Variants in GPC1 observed in about 807,000 individuals in gnomAD.
GPC1 encodes the protein glypican-1.
In GPC1, 26 loss-of-function variants were observed where a neutral mutation model predicts 51.5. The ratio of observed to expected loss-of-function variants is 0.50; its 90% CI spans 0.37 to 0.70. GPC1 has a LOEUF of 0.70. Among genes scored for constraint, GPC1 ranks in the 30% least tolerant of loss-of-function variants. GPC1 has a pLI of 0.00. For missense variants in GPC1, 775 were observed against 800.5 expected, an observed-to-expected ratio of 0.97 and a Z score of 0.38; for synonymous variants, 380 against 348.3, an observed-to-expected ratio of 1.09 and a Z score of -1.01.
rs759434189 is a variant in GPC1, at chr2:240,466,301, G to GC, written c.*15dup. 1.3e-5 allele frequency: 18 copies of GC among 1,437,588 alleles called. No homozygotes were observed. Among genetic ancestry groups the GC allele is most frequent in the Non-Finnish European group, 1.8e-5 (18 of 1,019,960 alleles). The allele number at this position is 1,437,588 out of a possible 1,614,324, so 89.1% of individuals were successfully genotyped here. On this transcript the variant is annotated 3_prime_UTR_variant, in exon 9 of 9. Transcript: ENST00000264039. ...CCCCGGTGGCGGTAACTGCCCCAAG[G>GC]CCCCAGGGACAGAGGCCAAGGACTG...
chr2:240,453,996 G>A (rs1392985446), intron 1 of GPC1, among the ~76,000 whole-genome samples: 1 of 152,190 alleles, frequency 6.6e-6, no homozygotes, highest in Non-Finnish European at 1.5e-5. Context: ...GGGTCGCAGT[G>A]CGCGGCGGAG....
At chr2:240,450,645 C>T (rs769570587) in intron 1 of GPC1, 15 of 470,616 alleles carry the variant, frequency 3.2e-5, no homozygotes, top group South Asian at 2.0e-4. Flanking sequence ...CGTGCCCCGT[C>T]GAGCCCCGTG....
At position 240,467,348 on chromosome 2, in the gene GPC1, A is replaced by C. The variant is rs576801468; in HGVS notation, c.*1058A>C. 1.3e-5 allele frequency: 2 copies of C among 152,294 alleles called. No individual in the cohort carries two copies. Among genetic ancestry groups the C allele is most frequent in the Non-Finnish European group, 2.9e-5 (2 of 68,084 alleles). 9.4% of individuals were successfully genotyped at this position (152,294 alleles called of 1,614,324 possible). A position where few individuals can be genotyped will look rare whatever the true frequency, so the allele number is the denominator to read the frequency against. ...CAGGGCACGGGGACCTGGATAGTTA[A>C]GGGCTTTTCCAAACATGCATCCATT... On this transcript the variant is annotated 3_prime_UTR_variant, in exon 9 of 9. Transcript: ENST00000264039.
At chr2:240,449,475 A>G (rs1009864021) in intron 1 of GPC1, 1 of 196,314 alleles carries the variant, frequency 5.1e-6, no homozygotes, top group African/African-American at 2.3e-5. Context: ...GAGAGTAAAT[A>G]TGCCCTACAT....
intron 1 of GPC1, among the ~76,000 whole-genome samples, chr2:240,454,136 G>A (rs1001151167): frequency 3.3e-5 from 5 of 152,180 alleles, no homozygotes; most frequent in Admixed American, 2.0e-4. Context: ...TGGGGGCCGT[G>A]GATGCCGTTG....
At chr2:240,454,199 G>A (rs2074134453) in intron 1 of GPC1, among the ~76,000 whole-genome samples, 2 of 152,228 alleles carry the variant, frequency 1.3e-5, no homozygotes, top group South Asian at 4.1e-4. Context: ...GGCCAAGGCT[G>A]CCTCTGGCTC....
At chr2:240,449,306 G>A (rs897514548) in intron 1 of GPC1, 29 of 132,034 alleles carry the variant, frequency 2.2e-4, no homozygotes, top group Admixed American at 6.7e-4. Flanking sequence ...GTGTGATTCC[G>A]GCAGGCGCCC....
chr2:240,447,585 TG>T (rs2074059518), intron 1 of GPC1, among the ~76,000 whole-genome samples: 1 of 152,200 alleles, frequency 6.6e-6, no homozygotes, highest in Non-Finnish European at 1.5e-5. Context: ...TTGAAGATCA[TG>T]GCCGTTCCTG....
At chr2:240,455,793 C>A (rs2074153483) in intron 1 of GPC1, among the ~76,000 whole-genome samples, 1 of 152,204 alleles carries the variant, frequency 6.6e-6, no homozygotes, top group Admixed American at 6.5e-5. Flanking sequence ...GCAGAGCCGG[C>A]CTCTGCCATC....
chr2:240,461,358 G>A (rs987988508), intron 2 of GPC1, among the ~76,000 whole-genome samples: 1 of 152,164 alleles, frequency 6.6e-6, no homozygotes, highest in African/African-American at 2.4e-5. Flanking sequence ...GTGGGCCATC[G>A]AGCCCCCGGT....
In GPC1 at chr2:240,435,848, G is replaced by A; in HGVS notation, c.-71G>A. On this transcript the variant is annotated 5_prime_UTR_variant, in exon 1 of 9. Coordinates refer to ENST00000264039, the MANE Select transcript of GPC1 (RefSeq NM_002081.3). ...CCTTGGCTCTGCCCTTCGCGGGCGG[G>A]AACTGCGCAGGACCCGGCCAGGATC... 2 of 1,007,462 alleles carry A rather than the reference G, an allele frequency of 2.0e-6. No individual in the cohort carries two copies. Among genetic ancestry groups the A allele is most frequent in the South Asian group, 4.9e-5 (1 of 20,556 alleles). 62.4% of individuals were successfully genotyped at this position (1,007,462 alleles called of 1,614,324 possible).
At chr2:240,454,064 G>T (rs1469944471) in intron 1 of GPC1, among the ~76,000 whole-genome samples, 1 of 116,040 alleles carries the variant, frequency 8.6e-6, no homozygotes, top group African/African-American at 3.0e-5. Context: ...AAATGGTGGC[G>T]GGGGGGCTTC....
At chr2:240,449,530 T>C (rs1574761890) in intron 1 of GPC1, 1 of 239,850 alleles carries the variant, frequency 4.2e-6, no homozygotes, top group Non-Finnish European at 8.3e-6. Context: ...AGAAGAGTTG[T>C]TTGCTTTTTG....
intron 4 of GPC1, chr2:240,464,173 C>T (rs1006675902): frequency 2.6e-5 from 6 of 227,032 alleles, no homozygotes; most frequent in Non-Finnish European, 5.3e-5. Context: ...ATGTGCTCAC[C>T]GTGCACGCAA....
chr2:240,462,393 G>T lies in GPC1; in HGVS notation c.528G>T (p.Lys176Asn), dbSNP rs1351865269. 6.3e-7 allele frequency: 1 copy of T among 1,597,798 alleles called. No homozygotes were observed. The highest frequency in any genetic ancestry group is 1.3e-5 in the African/African-American group (1 of 74,648). The part of the protein sequence containing the change: ...FWARLLERLF[K>N]QLHPQLLLPD... ...CCCGCCTGCTCGAGCGCCTCTTCAA[G>T]CAGCTGCACCCCCAGCTGCTGCTGC... The change falls in exon 3 of 9, where the codon AAG becomes AAT. Residue 176 changes from lysine to asparagine, a missense_variant. Physicochemically the swap from Lys to Asn is moderately conservative, Grantham distance 94. Transcript: ENST00000264039.
intron 1 of GPC1, among the ~76,000 whole-genome samples, chr2:240,457,726 T>TCCC (rs2074180784): frequency 1.3e-5 from 2 of 151,960 alleles, no homozygotes; most frequent in Admixed American, 6.6e-5. Context: ...GTCCCGGTCC[T>TCCC]GGCTCCCTCT....
chr2:240,455,980 C>G (rs1489044623), intron 1 of GPC1: 1 of 425,196 alleles, frequency 2.4e-6, no homozygotes, highest in South Asian at 1.7e-5. Context: ...GCCTTGCGTC[C>G]AGCCTGCCGG....
intron 1 of GPC1, chr2:240,451,657 A>G: frequency 4.6e-6 from 1 of 219,590 alleles, no homozygotes; most frequent in Non-Finnish European, 9.1e-6. Flanking sequence ...TGGGTGTGGC[A>G]GGAGGTTCGT....
At position 240,466,570 on chromosome 2, in the gene GPC1, C is replaced by T. The variant is rs554108014; in HGVS notation, c.*280C>T. On this transcript the variant is annotated 3_prime_UTR_variant, in exon 9 of 9. Coordinates refer to ENST00000264039, the MANE Select transcript of GPC1 (RefSeq NM_002081.3). The stretch of plus-strand genomic sequence containing the variant: ...GGGGCACCTCCGGCTGCCTAGCCCT[C>T]CCCCCAGCTCCCTGCACCGCCGCAG... 16 of 447,030 alleles carry T rather than the reference C, an allele frequency of 3.6e-5. No homozygotes were observed. The East Asian group carries it at 5.6e-4, about 16-fold the overall frequency. 27.7% of individuals were successfully genotyped at this position (447,030 alleles called of 1,614,324 possible).
Sources: gnomAD v4.1 joint callset for allele counts (sites outside exome capture counted in the v4.1 genomes callset) on GRCh38, gnomAD v4.1.1 for gene constraint, MANE v1.5 for transcripts, NCBI Gene and HGNC (gene_info 2026-07-23, HGNC 2026-07-21) for gene names.